PHF20: variants seen among roughly 807,000 people sequenced by gnomAD.
PHF20 encodes the protein PHD finger protein 20, also known as glioma-expressed antigen 2.
In PHF20, 23 loss-of-function variants were observed where a neutral mutation model predicts 113.5. The observed-to-expected ratio is 0.20, with a 90% CI of 0.15 to 0.29. The LOEUF is 0.29. Ranked by LOEUF, PHF20 falls within the 10% of genes least tolerant of loss-of-function variation. The pLI, the probability that PHF20 is intolerant of heterozygous loss-of-function variation, is 1.00. For missense variants in PHF20, 943 were observed against 1,219.6 expected (o/e 0.77, Z 3.38); for synonymous variants, 434 against 457.3 (o/e 0.95, Z 0.65).
intron 1 of PHF20, among the ~76,000 whole-genome samples, chr20:35,781,666 C>T (rs1004870827): frequency 1.3e-5 from 2 of 152,182 alleles, no homozygotes; most frequent in South Asian, 2.1e-4. Context: ...AACTCTGGGC[C>T]GGGTCCAGTG....
At chr20:35,862,827 G>GT (rs944638197) in intron 5 of PHF20, among the ~76,000 whole-genome samples, 186 bp from the exon 6 acceptor site, 1 of 152,186 alleles carries the variant, frequency 6.6e-6, no homozygotes, top group African/African-American at 2.4e-5. Flanking sequence ...TAATTGAATT[G>GT]TTTTAAGTTT....
chr20:35,830,528 A>T (rs898364079), intron 2 of PHF20, among the ~76,000 whole-genome samples: 4 of 152,128 alleles, frequency 2.6e-5, no homozygotes, highest in Non-Finnish European at 5.9e-5. Context: ...CTTTTTGACT[A>T]CTGGGTTGTC....
rs368470074 is a variant in PHF20 at position 35,927,843 on chromosome 20, G to C, written c.2068G>C (p.Glu690Gln). The C allele has an allele frequency of 3.9e-5, 63 of 1,613,756 alleles. No individual in the cohort carries two copies. The highest frequency in any genetic ancestry group is 4.8e-5 in the Non-Finnish European group (57 of 1,179,772). The change falls in exon 14 of 18, where the codon GAG becomes CAG. Residue 690 changes from glutamate to glutamine, a missense_variant. Transcript: ENST00000374012. ...CMGLLEENVP[E>Q]KYTCYVCQDP... Reference sequence around the variant, plus strand: ...GGGATTACTGGAAGAAAATGTGCCCGAGAAATACACCTGTTATGTTTGCCA... The same window carrying C: ...GGGATTACTGGAAGAAAATGTGCCCCAGAAATACACCTGTTATGTTTGCCA...
chr20:35,935,356 G>A (rs1402034267), intron 15 of PHF20, among the ~76,000 whole-genome samples: 1 of 152,068 alleles, frequency 6.6e-6, no homozygotes, highest in Non-Finnish European at 1.5e-5. Flanking sequence ...ATATTCTGAA[G>A]CCTTGCCCTT....
intron 9 of PHF20, among the ~76,000 whole-genome samples, chr20:35,885,642 G>T (rs759913449): frequency 6.6e-6 from 1 of 151,614 alleles, no homozygotes; most frequent in African/African-American, 2.4e-5. Flanking sequence ...GAAATACCAC[G>T]TAAGTGATGT....
At position 35,850,664 on chromosome 20, in the gene PHF20, G is replaced by C. The variant is rs1204024762; in HGVS notation, c.340+3230G>C. ...TTTTAAACAATTCATTATTACATCA[G>C]CTGGTATGATTACTGTTCTCTCCAT... On this transcript the variant is annotated intron_variant, in intron 4 of 17. Transcript: ENST00000374012. The C allele has an allele frequency of 1.8e-5, 4 of 222,340 alleles. No individual in the cohort carries two copies. In the East Asian group the frequency reaches 4.1e-4, roughly 23 times the overall value. The allele number at this position is 222,340 out of a possible 1,614,324, so 13.8% of individuals were successfully genotyped here.
At chr20:35,939,209 T>C (rs2055930439) in intron 16 of PHF20, 101 bp downstream of exon 16, 1 of 1,294,468 alleles carries the variant, frequency 7.7e-7, no homozygotes, top group East Asian at 2.6e-5. Flanking sequence ...TTAATAAAAC[T>C]GTATTTAAAT....
At chr20:35,830,875 A>G (rs2042346509) in intron 2 of PHF20, among the ~76,000 whole-genome samples, 1 of 151,518 alleles carries the variant, frequency 6.6e-6, no homozygotes, top group Admixed American at 6.6e-5. Context: ...TCTTCCTGAT[A>G]TTCTCTCTCC....
intron 1 of PHF20, among the ~76,000 whole-genome samples, chr20:35,784,976 G>A (rs1001762056): frequency 6.6e-6 from 1 of 151,890 alleles, no homozygotes; most frequent in Non-Finnish European, 1.5e-5. Context: ...GTTTGAGCCT[G>A]GGAGGCAAAG....
In PHF20 at chr20:35,908,284, T is replaced by G. The variant is rs565748566; in HGVS notation, c.1562-4965T>G. ...CTGTTCCTCAGGGACTCACCTGCCTTAGCTCAGTCCTTGCTGGGCAATTCT... is the reference window on the plus strand; with the variant it reads ...CTGTTCCTCAGGGACTCACCTGCCTGAGCTCAGTCCTTGCTGGGCAATTCT... On this transcript the variant is annotated intron_variant, in intron 10 of 17. Transcript: ENST00000374012. Among the ~76,000 whole-genome samples the G allele has an allele frequency of 4.6e-5, 7 of 152,336 alleles. No individual in the cohort carries two copies. In the East Asian group the frequency reaches 1.3e-3, roughly 29 times the overall value.
At chr20:35,883,290 C>A (rs184122131) in intron 9 of PHF20, among the ~76,000 whole-genome samples, 53 of 152,210 alleles carry the variant, frequency 3.5e-4, no homozygotes, top group African/African-American at 1.1e-3. Context: ...TTTACCTAGC[C>A]CCTGCTGAAA....
chr20:35,903,636 T>TA (rs1432755362), intron 10 of PHF20, among the ~76,000 whole-genome samples: 2 of 152,200 alleles, frequency 1.3e-5, no homozygotes, highest in Admixed American at 6.5e-5. Flanking sequence ...TCATTGCTGA[T>TA]ACGTTTAGCA....
intron 1 of PHF20, among the ~76,000 whole-genome samples, chr20:35,790,339 T>C (rs2041519990): frequency 6.6e-6 from 1 of 152,054 alleles, no homozygotes; most frequent in African/African-American, 2.4e-5. Context: ...TAGGTGGGAT[T>C]ACAGGCGCAT....
At position 35,938,984 on chromosome 20, in the gene PHF20, C is replaced by T; in HGVS notation, c.2588C>T (p.Ala863Val). The T allele has an allele frequency of 1.2e-6, 2 of 1,614,130 alleles. No individual in the cohort carries two copies. The highest frequency in any genetic ancestry group is 1.7e-6 in the Non-Finnish European group (2 of 1,180,020). Residue 863 changes from alanine to valine, a missense_variant, in exon 16 of 18, where the codon GCC becomes GTC. This residue lies in a region of PHF20 where 349 missense variants were observed against 412.3 expected (regional missense o/e 0.85). Transcript: ENST00000374012. ...CTGGTGGTGGAGACGAGGGGCTCTG[C>T]CCTCGACGATGCGGTCAACCCCCTC... is the stretch of plus-strand genomic sequence containing the variant. The part of the protein sequence containing the change: ...QKLVVETRGS[A>V]LDDAVNPLHE...
At chr20:35,911,562 C>T (rs991144777) in intron 10 of PHF20, among the ~76,000 whole-genome samples, 4 of 152,096 alleles carry the variant, frequency 2.6e-5, no homozygotes, top group Non-Finnish European at 4.4e-5. Flanking sequence ...GATATATGTA[C>T]GTATAAACTC....
chr20:35,887,620 T>C (rs1008014441), intron 9 of PHF20: 18 of 152,150 alleles, frequency 1.2e-4, no homozygotes, highest in African/African-American at 4.3e-4. Flanking sequence ...GAAAGTGACA[T>C]ACTGTCTCCT....
intron 10 of PHF20, among the ~76,000 whole-genome samples, chr20:35,910,998 C>T (rs2055289687): frequency 6.6e-6 from 1 of 152,070 alleles, no homozygotes; most frequent in South Asian, 2.1e-4. Flanking sequence ...TCCTTTCACC[C>T]AGCATACTTT....
intron 1 of PHF20, among the ~76,000 whole-genome samples, chr20:35,776,230 G>A (rs2041172397): frequency 6.6e-6 from 1 of 152,176 alleles, no homozygotes; most frequent in Non-Finnish European, 1.5e-5. Flanking sequence ...CCTACCATGA[G>A]TAGGGAGTCT....
intron 10 of PHF20, among the ~76,000 whole-genome samples, chr20:35,911,553 A>G (rs941032211): frequency 1.4e-4 from 21 of 152,192 alleles, no homozygotes; most frequent in African/African-American, 5.1e-4. Flanking sequence ...AGGTCATAGG[A>G]TATATGTACG....
Sources: gnomAD v4.1 joint callset for allele counts (sites outside exome capture counted in the v4.1 genomes callset) on GRCh38, gnomAD v4.1.1 for gene constraint, gnomAD v4.1.1 regional missense constraint, MANE v1.5 for transcripts, NCBI Gene and HGNC (gene_info 2026-07-23, HGNC 2026-07-21) for gene names.